The following CDC42BPB variants were observed in gnomAD, a reference collection of about 807,000 sequenced individuals.
The protein encoded by CDC42BPB is CDC42 binding protein kinase beta, also known as serine/threonine-protein kinase MRCK beta.
CDC42BPB carries 37 observed loss-of-function variants against 214.9 expected under a neutral mutation model. The ratio of observed to expected loss-of-function variants is 0.17; its 90% CI spans 0.13 to 0.23. The LOEUF (loss-of-function observed/expected upper bound fraction) is 0.23, where lower values mean the gene tolerates loss of function less well. Among genes scored for constraint, CDC42BPB ranks in the 10% least tolerant of loss-of-function variants. The pLI is 1.00. For synonymous variants in CDC42BPB, 931 were observed against 884.0 expected (o/e 1.05, Z -0.94); for missense variants, 1,694 against 2,227.0 (o/e 0.76, Z 4.82).
At chr14:102,938,262 C>G (rs932083210) in intron 35 of CDC42BPB, 44 bp downstream of exon 35, 2 of 1,598,358 alleles carry the variant, frequency 1.3e-6, no homozygotes, top group African/African-American at 1.3e-5. Flanking sequence ...CACCCCCTAC[C>G]CCCCACCTCC....
chr14:103,005,674 GTAACAGAGTGAGA>G (rs1895204224), intron 3 of CDC42BPB, among the ~76,000 whole-genome samples: 1 of 151,900 alleles, frequency 6.6e-6, no homozygotes. Flanking sequence ...GTACAACAGA[GTAACAGAGTGAGA>G]CCCTGTCTCT....
rs762603819 is a variant in CDC42BPB at position 102,974,076 on chromosome 14, C to A, written c.1581G>T (p.Arg527=). 5 of 1,614,020 alleles carry A rather than the reference C, an allele frequency of 3.1e-6. No homozygotes were observed. The highest frequency in any genetic ancestry group is 4.2e-6 in the Non-Finnish European group (5 of 1,179,920). Residue 527 remains arginine, a synonymous_variant, in exon 12 of 37, where the codon CGG becomes CGT. Coordinates refer to ENST00000361246, the MANE Select transcript of CDC42BPB (RefSeq NM_006035.4). ...GGTGCTGCTTCTCCAGCCCCCGCAG[C>A]CGCTGCGTGGAGTCCTCACGCTCTT... The part of the protein sequence containing the change: ...LRQEREDSTQ[R]LRGLEKQHRV...
rs1421002703 is a variant in CDC42BPB at position 102,932,683 on chromosome 14, T to A, written c.*1029A>T. ...GACAAGCTGTGTCTGCCGCCACAGTTAATCACAAGCCTCTGACGACACAGG... is the reference window on the plus strand; with the variant it reads ...GACAAGCTGTGTCTGCCGCCACAGTAAATCACAAGCCTCTGACGACACAGG... On this transcript the variant is annotated 3_prime_UTR_variant, in exon 37 of 37. Transcript: ENST00000361246. The A allele has an allele frequency of 6.6e-6, 1 of 152,348 alleles. No individual in the cohort carries two copies. The highest frequency in any genetic ancestry group is 1.9e-4 in the East Asian group (1 of 5,174). The allele number at this position is 152,348 out of a possible 1,614,324, so 9.4% of individuals were successfully genotyped here.
chr14:103,053,554 G>A (rs1054128853), intron 1 of CDC42BPB, among the ~76,000 whole-genome samples: 3 of 151,608 alleles, frequency 2.0e-5, no homozygotes, highest in Non-Finnish European at 2.9e-5. Context: ...GAGGTCTGGA[G>A]ATCGAGACCA....
rs1372266299 is a variant in CDC42BPB, at chr14:102,944,765, CCT to C, written c.3812-280_3812-279del. 1 of 649,256 alleles carries C rather than the reference CCT, an allele frequency of 1.5e-6. No homozygotes were observed. The highest frequency in any genetic ancestry group is 1.9e-6 in the Non-Finnish European group (1 of 523,106). The allele number at this position is 649,256 out of a possible 1,614,324, so 40.2% of individuals were successfully genotyped here. A position where few individuals can be genotyped will look rare whatever the true frequency, so the allele number is the denominator to read the frequency against. On this transcript the variant is annotated intron_variant, in intron 29 of 36. Transcript: ENST00000361246. The surrounding 1 kb of genome is among the most constrained non-coding windows in gnomAD (Gnocchi z 6.6). ...CTCTGCCTCTGCTGCTGTGCACACCCCTCAGTGCACCAGGGCTCCAGCTGGGC... is the reference window on the plus strand; with the variant it reads ...CTCTGCCTCTGCTGCTGTGCACACCCCAGTGCACCAGGGCTCCAGCTGGGC...
At chr14:103,050,021 C>T (rs1362505788) in intron 1 of CDC42BPB, among the ~76,000 whole-genome samples, 1 of 152,246 alleles carries the variant, frequency 6.6e-6, no homozygotes, top group Admixed American at 6.5e-5. Flanking sequence ...ATAACCTTAA[C>T]TTCTAAAGCT....
chr14:102,981,830 T>C (rs956039405), intron 7 of CDC42BPB, among the ~76,000 whole-genome samples: 7 of 152,178 alleles, frequency 4.6e-5, no homozygotes, highest in Non-Finnish European at 5.9e-5. Context: ...TGTGCTGCTA[T>C]AGAAAGACAC....
At chr14:102,970,039 C>A in intron 14 of CDC42BPB, 112 bp downstream of exon 14, 4 of 820,624 alleles carry the variant, frequency 4.9e-6, no homozygotes, top group Admixed American at 4.5e-5. Context: ...TGAACAGCCT[C>A]GGGTGACACT....
intron 1 of CDC42BPB, among the ~76,000 whole-genome samples, chr14:103,028,143 T>C (rs1319607011): frequency 2.0e-5 from 3 of 151,724 alleles, no homozygotes; most frequent in African/African-American, 7.3e-5. Context: ...AATAAGTAAA[T>C]AAAACAATAA....
rs548910161 is a variant in CDC42BPB at position 102,933,286 on chromosome 14, T to A, written c.*426A>T. The A allele has an allele frequency of 3.6e-4, 57 of 160,504 alleles. No individual in the cohort carries two copies. Among genetic ancestry groups the A allele is most frequent in the Admixed American group, 8.4e-4 (13 of 15,514 alleles). The allele number at this position is 160,504 out of a possible 1,614,324, so 9.9% of individuals were successfully genotyped here. ...CTGGGAATGCTATAGGACCTCCTAC[T>A]ATTCTCTTAAGGTCCTAGGAAAGTT... On this transcript the variant is annotated 3_prime_UTR_variant, in exon 37 of 37. Coordinates refer to ENST00000361246, the MANE Select transcript of CDC42BPB (RefSeq NM_006035.4).
intron 18 of CDC42BPB, 75 bp downstream of exon 18, chr14:102,966,207 T>G: frequency 2.6e-6 from 3 of 1,132,600 alleles, no homozygotes; most frequent in Non-Finnish European, 4.0e-6. Context: ...AAATAGTACT[T>G]ATATGTCACA....
chr14:102,971,026 G>A (rs371095569), intron 13 of CDC42BPB, among the ~76,000 whole-genome samples: 1 of 152,154 alleles, frequency 6.6e-6, no homozygotes, highest in Non-Finnish European at 1.5e-5. Context: ...CACCCAGGGC[G>A]GCACAGGGCT....
Position 103,057,439 on chromosome 14 carries a change from C to T in CDC42BPB, c.-266G>A. 2 of 491,938 alleles carry T rather than the reference C, an allele frequency of 4.1e-6. No individual in the cohort carries two copies. Among genetic ancestry groups the T allele is most frequent in the Non-Finnish European group, 5.2e-6 (2 of 382,068 alleles). The allele number at this position is 491,938 out of a possible 1,614,324, so 30.5% of individuals were successfully genotyped here. A position where few individuals can be genotyped will look rare whatever the true frequency, so the allele number is the denominator to read the frequency against. On this transcript the variant is annotated 5_prime_UTR_variant, in exon 1 of 37. Transcript: ENST00000361246. ...CCGCCCTCCCAGCTCGGGCGGCCCG[C>T]CCCCGCCGCCCTCAGCCCCGCCCGC...
intron 1 of CDC42BPB, among the ~76,000 whole-genome samples, chr14:103,046,547 C>T (rs932978889): frequency 1.9e-4 from 29 of 152,246 alleles, no homozygotes; most frequent in African/African-American, 6.3e-4. Context: ...GAAACATCTA[C>T]GTAACAAACG....
intron 1 of CDC42BPB, among the ~76,000 whole-genome samples, chr14:103,021,828 T>C (rs1886791304): frequency 6.6e-6 from 1 of 151,946 alleles, no homozygotes; most frequent in Admixed American, 6.6e-5. Context: ...GCGATAGCAG[T>C]CTGGTCAGAA....
rs771743362 is a variant in CDC42BPB, at chr14:102,980,936, C to T, written c.977G>A (p.Arg326His). ...CTCTATTCCATTCTGCCCCAGCCGG[C>T]GTTCTCTACTGCAGATCAGTCTCTG... ...LIQRLICSRE[R>H]RLGQNGIEDF... The change falls in exon 8 of 37, where the codon CGC becomes CAC. Residue 326 changes from arginine (R) to histidine (H), a missense_variant. This residue lies in a region of CDC42BPB where 225 missense variants were observed against 459.3 expected (regional missense o/e 0.49). Transcript: ENST00000361246. 1.1e-5 allele frequency: 17 copies of T among 1,614,206 alleles called. No homozygotes were observed. The highest frequency in any genetic ancestry group is 1.4e-5 in the Non-Finnish European group (16 of 1,180,034).
chr14:102,951,502 T>C (rs1015650354), intron 24 of CDC42BPB, among the ~76,000 whole-genome samples: 1 of 151,384 alleles, frequency 6.6e-6, no homozygotes, highest in Non-Finnish European at 1.5e-5. Context: ...CTTAAAAATA[T>C]GATGGGCTGG....
intron 5 of CDC42BPB, among the ~76,000 whole-genome samples, chr14:102,995,826 G>A (rs1390681747): frequency 3.9e-5 from 6 of 152,170 alleles, no homozygotes; most frequent in Non-Finnish European, 8.8e-5. Context: ...CCACTCTGGC[G>A]CCAATGACAT....
intron 24 of CDC42BPB, among the ~76,000 whole-genome samples, chr14:102,951,874 C>T (rs1392182988): frequency 6.6e-6 from 1 of 152,182 alleles, no homozygotes; most frequent in Non-Finnish European, 1.5e-5. Flanking sequence ...GATAATTTGA[C>T]AGTGGAAGGT....
Sources: gnomAD v4.1 joint callset for allele counts (sites outside exome capture counted in the v4.1 genomes callset) on GRCh38, gnomAD v4.1.1 for gene constraint, gnomAD v4.1.1 regional missense constraint, Gnocchi (gnomAD v3.1) non-coding constraint, MANE v1.5 for transcripts, NCBI Gene and HGNC (gene_info 2026-07-23, HGNC 2026-07-21) for gene names.